Variants in ZNG1F observed in about 807,000 individuals in gnomAD.
The protein encoded by ZNG1F is Zn regulated GTPase metalloprotein activator 1F, also known as zinc-regulated GTPase metalloprotein activator 1F.
At chr9:41,181,875 T>TA in the ZNG1F span, among the ~76,000 whole-genome samples, 2 of 111,596 alleles carry the variant, frequency 1.8e-5, no homozygotes, top group Non-Finnish European at 3.5e-5. Context: ...AATAACTACT[T>TA]ACACAGCACT....
At chr9:41,139,538 C>G in the ZNG1F span, among the ~76,000 whole-genome samples, 3 of 149,108 alleles carry the variant, frequency 2.0e-5, 1 homozygote, top group Admixed American at 1.4e-4. Context: ...CTCTAGAACG[C>G]CCAAAAACAT....
At chr9:41,164,571 C>T in the ZNG1F span, 2 of 48,176 alleles carry the variant, frequency 4.2e-5, 1 homozygote, top group Non-Finnish European at 1.2e-4. Flanking sequence ...AGAATAGGCT[C>T]TATAGAATAA....
chr9:41,201,026 T>A, the ZNG1F span, among the ~76,000 whole-genome samples: 3 of 144,730 alleles, frequency 2.1e-5, no homozygotes, highest in African/African-American at 2.5e-5. Context: ...TATGAATATA[T>A]GTATATGCAT....
the ZNG1F span, chr9:41,158,845 T>C: frequency 8.6e-6 from 1 of 116,324 alleles, no homozygotes. Flanking sequence ...CCATGAGATC[T>C]TTTCCAAAGC....
the ZNG1F span, among the ~76,000 whole-genome samples, chr9:41,199,843 A>T: frequency 1.3e-5 from 2 of 151,596 alleles, no homozygotes; most frequent in Non-Finnish European, 2.9e-5. Flanking sequence ...GAAGCTGCCA[A>T]GGCTTGGGGC....
At chr9:41,162,535 T>TA in the ZNG1F span, among the ~76,000 whole-genome samples, 1 of 57,080 alleles carries the variant, frequency 1.8e-5, no homozygotes, top group Non-Finnish European at 4.2e-5. Flanking sequence ...AAACTTGCTT[T>TA]AAAAAATAAT....
the ZNG1F span, chr9:41,158,017 T>C: frequency 8.8e-6 from 1 of 113,122 alleles, no homozygotes; most frequent in Admixed American, 1.0e-4. Context: ...CTCCCCCCGC[T>C]ACTGAGCATA....
the ZNG1F span, among the ~76,000 whole-genome samples, chr9:41,141,075 G>A: frequency 6.7e-6 from 1 of 149,522 alleles, no homozygotes; most frequent in Non-Finnish European, 1.5e-5. Context: ...AAATATTTTT[G>A]ACTTAATATT....
the ZNG1F span, among the ~76,000 whole-genome samples, chr9:41,141,024 A>T: frequency 2.0e-5 from 3 of 151,590 alleles, no homozygotes; most frequent in East Asian, 5.8e-4. Flanking sequence ...CACCACACCC[A>T]GCCTAAAGAT....
the ZNG1F span, among the ~76,000 whole-genome samples, chr9:41,134,321 C>A: frequency 1.0e-5 from 1 of 95,418 alleles, no homozygotes; most frequent in Non-Finnish European, 2.4e-5. Context: ...TAAGCATGTG[C>A]CAAGAGGAGA....
the ZNG1F span, among the ~76,000 whole-genome samples, chr9:41,185,677 A>C: frequency 6.6e-6 from 1 of 151,580 alleles, no homozygotes; most frequent in East Asian, 1.9e-4. Flanking sequence ...ATCTCAAAAA[A>C]AATAAAATAA....
the ZNG1F span, chr9:41,164,915 A>G: frequency 7.7e-7 from 1 of 1,297,264 alleles, no homozygotes; most frequent in Non-Finnish European, 1.1e-6. Flanking sequence ...TTATACCTTA[A>G]GTTTCTACAG....
the ZNG1F span, among the ~76,000 whole-genome samples, chr9:41,151,645 C>T: frequency 9.3e-5 from 14 of 151,148 alleles, no homozygotes; most frequent in South Asian, 4.2e-4. Context: ...AGACTAACAG[C>T]GGATCTCTTG....
the ZNG1F span, chr9:41,183,426 A>T: frequency 1.0e-6 from 1 of 975,634 alleles, no homozygotes; most frequent in African/African-American, 1.9e-5. Context: ...CTTCCTAATA[A>T]GTTTATTTTC....
At chr9:41,137,610 A>AT in the ZNG1F span, among the ~76,000 whole-genome samples, 14 of 111,598 alleles carry the variant, frequency 1.3e-4, no homozygotes, top group Non-Finnish European at 2.0e-4. Flanking sequence ...TGTCTGTCTA[A>AT]TTTTTTAGGT....
At chr9:41,199,789 C>A in the ZNG1F span, among the ~76,000 whole-genome samples, 6 of 152,074 alleles carry the variant, frequency 3.9e-5, no homozygotes, top group Non-Finnish European at 1.5e-5. Context: ...TTTCCCAAAC[C>A]TCAATTCTTG....
At chr9:41,139,779 A>G in the ZNG1F span, among the ~76,000 whole-genome samples, 1 of 151,580 alleles carries the variant, frequency 6.6e-6, no homozygotes, top group Admixed American at 6.6e-5. Flanking sequence ...ACCAAATATT[A>G]TGTATCCTTA....
chr9:41,178,845 C>G, the ZNG1F span, among the ~76,000 whole-genome samples: 1 of 118,020 alleles, frequency 8.5e-6, no homozygotes, highest in African/African-American at 3.1e-5. Context: ...AGATTACAGG[C>G]ATGAGCCACC....
the ZNG1F span, among the ~76,000 whole-genome samples, chr9:41,147,917 C>T: frequency 1.1e-4 from 15 of 134,026 alleles, no homozygotes; most frequent in Non-Finnish European, 4.8e-5. Flanking sequence ...AAAGGATCAT[C>T]GAGAGAAAAG....
Sources: allele counts gnomAD v4.1 joint callset (sites outside exome capture counted in the v4.1 genomes callset), GRCh38; gene constraint gnomAD v4.1.1; transcripts MANE v1.5; gene names NCBI Gene and HGNC (gene_info 2026-07-23, HGNC 2026-07-21).